The following PRKG2 variants were observed in gnomAD, a reference collection of about 807,000 sequenced individuals.
The protein encoded by PRKG2 is cGMP-dependent protein kinase 2.
Under a neutral mutation model 97.2 loss-of-function variants are expected in PRKG2, and 33 were observed. The observed-to-expected ratio is 0.34, with a 90% CI of 0.26 to 0.45. The LOEUF is 0.45. PRKG2 is among the 20% of genes least tolerant of loss of function. The pLI is 1.00. For synonymous variants in PRKG2, 330 were observed against 321.8 expected, an observed-to-expected ratio of 1.03 and a Z score of -0.27; for missense variants, 638 against 900.0, an observed-to-expected ratio of 0.71 and a Z score of 3.73.
intron 2 of PRKG2, among the ~76,000 whole-genome samples, chr4:81,185,221 CAGAG>C (rs973883767): frequency 1.2e-4 from 18 of 152,022 alleles, no homozygotes; most frequent in African/African-American, 4.3e-4. Context: ...TAAGGGCAGC[CAGAG>C]AGAAAGGTCG....
chr4:81,146,028 G>C (rs1747826756), intron 9 of PRKG2, among the ~76,000 whole-genome samples: 1 of 152,058 alleles, frequency 6.6e-6, no homozygotes. Flanking sequence ...CCTGTTCTAT[G>C]GACTGACCTT....
rs577192056 is a variant in PRKG2 at position 81,131,604 on chromosome 4, T to C, written c.1776+3551A>G. Among the ~76,000 whole-genome samples the C allele has an allele frequency of 9.8e-5, 15 of 152,350 alleles. No individual in the cohort carries two copies. In the South Asian group the frequency reaches 3.1e-3, roughly 32 times the overall value. On this transcript the variant is annotated intron_variant, in intron 14 of 18. Coordinates refer to ENST00000264399, the MANE Select transcript of PRKG2 (RefSeq NM_006259.3). The stretch of plus-strand genomic sequence containing the variant: ...TGGCCCACCTCAAATTGTGAAAATA[T>C]TACCCTATGTTTACGTCTAGGTGAT...
In PRKG2 at chr4:81,204,721, G is replaced by C; in HGVS notation, c.327C>G (p.Thr109=). The change falls in exon 2 of 19, where the codon ACC becomes ACG. Residue 109 remains threonine (T), a synonymous_variant. Transcript: ENST00000264399. ...TGCTATGGAGAGAGACCAATCCAGA[G>C]GTCTTCCGGTGGACCTCAAGAGGCA... ...DKVPLEVHRK[T]SGLVSLHSRR... The C allele has an allele frequency of 6.2e-7, 1 of 1,614,198 alleles. No individual in the cohort carries two copies. Among genetic ancestry groups the C allele is most frequent in the Non-Finnish European group, 8.5e-7 (1 of 1,180,034 alleles).
chr4:81,208,255 C>T (rs1225332698), intron 1 of PRKG2, among the ~76,000 whole-genome samples: 1 of 152,044 alleles, frequency 6.6e-6, no homozygotes, highest in Non-Finnish European at 1.5e-5. Context: ...TAAAGTACCC[C>T]ATATGATGCC....
At chr4:81,209,695 TTAC>T (rs1272390475) in intron 1 of PRKG2, among the ~76,000 whole-genome samples, 1 of 152,116 alleles carries the variant, frequency 6.6e-6, no homozygotes, top group African/African-American at 2.4e-5. Flanking sequence ...ACTATTATTA[TTAC>T]ATTTAACATT....
intron 15 of PRKG2, among the ~76,000 whole-genome samples, chr4:81,108,443 A>T (rs1229341191): frequency 6.6e-6 from 1 of 151,142 alleles, no homozygotes; most frequent in East Asian, 1.9e-4. Flanking sequence ...CATTGTTATG[A>T]TATATTCAAC....
chr4:81,200,026 C>G (rs1264082188), intron 2 of PRKG2, among the ~76,000 whole-genome samples: 1 of 152,158 alleles, frequency 6.6e-6, no homozygotes, highest in African/African-American at 2.4e-5. Context: ...AGCAACTTGC[C>G]AGATGTCTCT....
At chr4:81,121,416 C>T (rs551227048) in intron 14 of PRKG2, among the ~76,000 whole-genome samples, 34 of 152,156 alleles carry the variant, frequency 2.2e-4, no homozygotes, top group African/African-American at 7.5e-4. Flanking sequence ...CACCAATAAA[C>T]CCATCTAAGC....
intron 17 of PRKG2, among the ~76,000 whole-genome samples, chr4:81,100,897 T>C (rs1451562812): frequency 6.6e-6 from 1 of 152,146 alleles, no homozygotes; most frequent in Non-Finnish European, 1.5e-5. Flanking sequence ...CATCAACAAG[T>C]GGGCGAAGGA....
intron 14 of PRKG2, among the ~76,000 whole-genome samples, chr4:81,129,158 G>C (rs965884458): frequency 6.6e-6 from 1 of 152,142 alleles, no homozygotes; most frequent in Admixed American, 6.6e-5. Flanking sequence ...GTTCTAATTT[G>C]ATTGCCCTGT....
intron 2 of PRKG2, 131 bp from the exon 3 acceptor site, chr4:81,175,090 C>T: frequency 1.2e-6 from 1 of 817,384 alleles, no homozygotes; most frequent in Non-Finnish European, 1.8e-6. Context: ...CAACCTTTTT[C>T]TAACCCCACC....
intron 1 of PRKG2, among the ~76,000 whole-genome samples, chr4:81,205,896 T>G (rs921669635): frequency 1.3e-5 from 2 of 152,220 alleles, no homozygotes; most frequent in Non-Finnish European, 2.9e-5. Context: ...GGATGTGGTA[T>G]GCAGATCAGG....
intron 6 of PRKG2, among the ~76,000 whole-genome samples, chr4:81,160,101 A>T (rs976558553): frequency 5.3e-5 from 8 of 152,054 alleles, no homozygotes; most frequent in African/African-American, 1.9e-4. Flanking sequence ...CTAAAACTTA[A>T]AGTATAATAA....
At chr4:81,188,217 T>C (rs1313193253) in intron 2 of PRKG2, among the ~76,000 whole-genome samples, 1 of 151,356 alleles carries the variant, frequency 6.6e-6, no homozygotes, top group Non-Finnish European at 1.5e-5. Flanking sequence ...GTGAAGGACA[T>C]GAACAGACAC....
chr4:81,114,411 T>A (rs146124128), intron 14 of PRKG2, among the ~76,000 whole-genome samples: 1 of 152,206 alleles, frequency 6.6e-6, no homozygotes, highest in African/African-American at 2.4e-5. Flanking sequence ...TGGATACTTG[T>A]CTATAGTAAA....
intron 6 of PRKG2, among the ~76,000 whole-genome samples, chr4:81,163,492 CA>C (rs1324412555): frequency 3.9e-5 from 6 of 152,124 alleles, no homozygotes; most frequent in Non-Finnish European, 5.9e-5. Context: ...AGCAGGTACA[CA>C]TATTTATACA....
At position 81,151,871 on chromosome 4, in the gene PRKG2, G is replaced by T. The variant is rs1578427468; in HGVS notation, c.1085+89C>A. On this transcript the variant is annotated intron_variant, in intron 8 of 18. Coordinates refer to ENST00000264399, the MANE Select transcript of PRKG2 (RefSeq NM_006259.3). ...TAGGATATTTGTTGCCATTAACTTG[G>T]TAGCTCAATTTAACAACTCTAAATG... 1.2e-5 allele frequency: 12 copies of T among 1,001,990 alleles called. No homozygotes were observed. In the East Asian group the frequency reaches 3.0e-4, roughly 25 times the overall value. The allele number at this position is 1,001,990 out of a possible 1,614,324, so 62.1% of individuals were successfully genotyped here.
intron 9 of PRKG2, among the ~76,000 whole-genome samples, chr4:81,148,212 C>T (rs538115801): frequency 6.6e-6 from 1 of 152,022 alleles, no homozygotes; most frequent in Admixed American, 6.6e-5. Context: ...TCTTTGACTA[C>T]ACTATGACTT....
intron 3 of PRKG2, 31 bp from the exon 4 acceptor site, chr4:81,171,835 A>T: frequency 6.8e-7 from 1 of 1,469,134 alleles, no homozygotes; most frequent in Non-Finnish European, 9.4e-7. Context: ...AAACACACAC[A>T]CAAATAATCG....
Sources: gnomAD v4.1 joint callset for allele counts (sites outside exome capture counted in the v4.1 genomes callset) on GRCh38, gnomAD v4.1.1 for gene constraint, MANE v1.5 for transcripts, NCBI Gene and HGNC (gene_info 2026-07-23, HGNC 2026-07-21) for gene names.